The following MSH3 variants were observed in gnomAD, a reference collection of about 807,000 sequenced individuals.
The protein encoded by MSH3 is DNA mismatch repair protein Msh3.
Under a neutral mutation model 123.3 loss-of-function variants are expected in MSH3, and 106 were observed. The ratio of observed to expected loss-of-function variants is 0.86; its 90% CI spans 0.73 to 1.01. MSH3 has a LOEUF of 1.01. Ranked by LOEUF, MSH3 falls within the 50% of genes least tolerant of loss-of-function variation. The pLI is 0.00. For synonymous variants in MSH3, 515 were observed against 481.4 expected, an observed-to-expected ratio of 1.07 and a Z score of -0.91; for missense variants, 1,459 against 1,347.6, an observed-to-expected ratio of 1.08 and a Z score of -1.29.
intron 11 of MSH3, among the ~76,000 whole-genome samples, chr5:80,742,810 C>T (rs1329466452): frequency 2.0e-5 from 3 of 152,176 alleles, no homozygotes; most frequent in African/African-American, 7.2e-5. Context: ...AGACATTTCT[C>T]GGCTGAAGGA....
intron 2 of MSH3, among the ~76,000 whole-genome samples, chr5:80,658,037 C>CTTTTTTTTTTTTTTTTTTTTTTTTTTT (rs397942439): frequency 8.6e-6 from 1 of 116,620 alleles, no homozygotes; most frequent in African/African-American, 3.4e-5. Context: ...TTTTTGCCCT[C>CTTTTTTTTTTTTTTTTTTTTTTTTTTT]TTTTTTTTTT....
chr5:80,787,033 C>T (rs1207568079), intron 17 of MSH3, among the ~76,000 whole-genome samples: 1 of 152,002 alleles, frequency 6.6e-6, no homozygotes, highest in East Asian at 1.9e-4. Context: ...ATATTTATTA[C>T]AGTGTTTATT....
At chr5:80,776,398 G>C (rs1376503965) in intron 16 of MSH3, among the ~76,000 whole-genome samples, 1 of 152,090 alleles carries the variant, frequency 6.6e-6, no homozygotes, top group African/African-American at 2.4e-5. Flanking sequence ...TTTACTTCAT[G>C]GTGAATGCTA....
intron 19 of MSH3, among the ~76,000 whole-genome samples, chr5:80,801,748 C>T (rs1744794321): frequency 6.6e-6 from 1 of 152,108 alleles, no homozygotes; most frequent in South Asian, 2.1e-4. Flanking sequence ...CACCCAGGGC[C>T]ACATATTCAA....
chr5:80,757,460 A>G lies in MSH3; in HGVS notation c.1764-4086A>G, dbSNP rs6151773. On this transcript the variant is annotated intron_variant, in intron 12 of 23. Coordinates refer to ENST00000265081, the MANE Select transcript of MSH3 (RefSeq NM_002439.5). ...CTGTGTTTCTGAGTGACAGCCACAC[A>G]TGGTAGATACTCATGTCACCACCTA... 6.1e-3 allele frequency among the ~76,000 whole-genome samples: 935 copies of G among 152,294 alleles called. 13 individuals carry two copies. Among genetic ancestry groups the G allele is most frequent in the African/African-American group, 0.021 (888 of 41,572 alleles).
Position 80,678,934 on chromosome 5 carries a change from A to G in MSH3, c.1181A>G (p.Gln394Arg). The G allele has an allele frequency of 6.2e-7, 1 of 1,614,110 alleles. No homozygotes were observed. The highest frequency in any genetic ancestry group is 1.1e-5 in the South Asian group (1 of 91,082). The stretch of plus-strand genomic sequence containing the variant: ...ATTTGTATTTGTTTTTAGGGAGTGC[A>G]GCCTGCCACAGGCGAGGTTGTGTTT... Reference protein sequence around the residue: ...GNIFIGIVGVQPATGEVVFDS... With the variant: ...GNIFIGIVGVRPATGEVVFDS... Residue 394 changes from glutamine to arginine, a missense_variant, in exon 8 of 24, where the codon CAG (glutamine) becomes CGG (arginine). Coordinates refer to ENST00000265081, the MANE Select transcript of MSH3 (RefSeq NM_002439.5).
At chr5:80,818,381 T>TC (rs1345359622) in intron 20 of MSH3, among the ~76,000 whole-genome samples, 1 of 127,482 alleles carries the variant, frequency 7.8e-6, no homozygotes, top group Non-Finnish European at 1.6e-5. Context: ...TTTTTTTTTT[T>TC]TAACAAATAA....
intron 20 of MSH3, among the ~76,000 whole-genome samples, chr5:80,816,880 G>A (rs192889056): frequency 4.6e-5 from 7 of 152,292 alleles, no homozygotes; most frequent in African/African-American, 1.2e-4. Context: ...AGATTCCGAC[G>A]TTATCTTTGT....
At chr5:80,677,273 G>A (rs1160913575) in intron 7 of MSH3, among the ~76,000 whole-genome samples, 1 of 152,200 alleles carries the variant, frequency 6.6e-6, no homozygotes, top group Non-Finnish European at 1.5e-5. Context: ...TATCACTGCA[G>A]TCAGGCTCTG....
At chr5:80,661,359 A>G (rs1222703906) in intron 2 of MSH3, among the ~76,000 whole-genome samples, 1 of 151,890 alleles carries the variant, frequency 6.6e-6, no homozygotes, top group Non-Finnish European at 1.5e-5. Flanking sequence ...TTCTCTTTGT[A>G]CTTCATTGTG....
chr5:80,816,976 G>A (rs1308041574), intron 20 of MSH3, among the ~76,000 whole-genome samples: 1 of 152,196 alleles, frequency 6.6e-6, no homozygotes, highest in Non-Finnish European at 1.5e-5. Context: ...TTCAGACAGA[G>A]AGATCAAAGG....
At chr5:80,863,005 T>G (rs1175691731) in intron 21 of MSH3, among the ~76,000 whole-genome samples, 3 of 152,178 alleles carry the variant, frequency 2.0e-5, no homozygotes, top group Non-Finnish European at 4.4e-5. Context: ...TATCTCAAAG[T>G]GTCATGCCAC....
At position 80,750,078 on chromosome 5, in the gene MSH3, A is replaced by AGTGTGTGTGTGTGTGTGTGTGTGT. The variant is rs57762095; in HGVS notation, c.1763+5474_1763+5497dup. 7.9e-4 allele frequency among the ~76,000 whole-genome samples: 106 copies of AGTGTGTGTGTGTGTGTGTGTGTGT among 134,246 alleles called. 4 individuals are homozygous for AGTGTGTGTGTGTGTGTGTGTGTGT. The highest frequency in any genetic ancestry group is 3.7e-3 in the Middle Eastern group (1 of 268). 88.1% of individuals were successfully genotyped at this position (134,246 alleles called of 152,430 possible). On this transcript the variant is annotated intron_variant, in intron 12 of 23. Transcript: ENST00000265081. ...TTTTTAAGGCTGAATAGTATTCCAG[A>AGTGTGTGTGTGTGTGTGTGTGTGT]GTGTGTGTGTGTGTGTGTGTGTGTG...
At chr5:80,741,757 T>C (rs1341713344) in intron 11 of MSH3, among the ~76,000 whole-genome samples, 3 of 152,216 alleles carry the variant, frequency 2.0e-5, no homozygotes, top group African/African-American at 7.2e-5. Flanking sequence ...CTGCCCTTTT[T>C]AATGACTGAG....
chr5:80,710,042 T>C (rs759232739), intron 8 of MSH3, among the ~76,000 whole-genome samples: 2 of 152,240 alleles, frequency 1.3e-5, no homozygotes, highest in African/African-American at 2.4e-5. Context: ...TTCTTTTCCT[T>C]TGAGCACATG....
At chr5:80,845,633 C>G (rs1018204675) in intron 20 of MSH3, among the ~76,000 whole-genome samples, 4 of 152,162 alleles carry the variant, frequency 2.6e-5, no homozygotes, top group Admixed American at 6.5e-5. Context: ...CTTGTCTTCT[C>G]ACTTTATTTC....
chr5:80,749,669 A>T (rs1561465382), intron 12 of MSH3, among the ~76,000 whole-genome samples: 1 of 152,226 alleles, frequency 6.6e-6, no homozygotes, highest in Non-Finnish European at 1.5e-5. Context: ...GAATGATCAA[A>T]TCAAGCTAAT....
At chr5:80,778,458 C>T (rs1580045038) in intron 16 of MSH3, among the ~76,000 whole-genome samples, 1 of 152,208 alleles carries the variant, frequency 6.6e-6, no homozygotes, top group Middle Eastern at 3.4e-3. Flanking sequence ...AAAAAGCTTT[C>T]TGCCTATGAA....
intron 19 of MSH3, among the ~76,000 whole-genome samples, chr5:80,804,974 G>A (rs752261745): frequency 6.6e-6 from 1 of 152,150 alleles, no homozygotes; most frequent in Non-Finnish European, 1.5e-5. Flanking sequence ...CAACAATAGG[G>A]ATCTTTTTGG....
Sources: allele counts gnomAD v4.1 joint callset (sites outside exome capture counted in the v4.1 genomes callset), GRCh38; gene constraint gnomAD v4.1.1; transcripts MANE v1.5; gene names NCBI Gene and HGNC (gene_info 2026-07-23, HGNC 2026-07-21).